Variants in DMAC2 observed in about 807,000 individuals in gnomAD.
The protein encoded by DMAC2 is distal membrane arm assembly component 2.
DMAC2 carries 32 observed loss-of-function variants against 29.6 expected under a neutral mutation model. That is an observed-to-expected ratio of 1.08 (90% CI 0.81 to 1.45). The LOEUF is 1.45. Among genes scored for constraint, DMAC2 ranks in the 40% most tolerant of loss-of-function variants. The pLI, the probability that DMAC2 is intolerant of heterozygous loss-of-function variation, is 0.00. For missense variants in DMAC2, 319 were observed against 340.0 expected (o/e 0.94, Z 0.49); for synonymous variants, 133 against 137.4 (o/e 0.97, Z 0.23).
At chr19:41,438,438 G>A (rs1222802869) in intron 1 of DMAC2, 24 bp from the exon 2 acceptor site, 1 of 1,593,570 alleles carries the variant, frequency 6.3e-7, no homozygotes, top group Non-Finnish European at 8.6e-7. Flanking sequence ...GAGGAAAGGA[G>A]CTGAGCCTGG....
At chr19:41,436,778 AAAGCAGAG>A (rs1157073180) in intron 2 of DMAC2, among the ~76,000 whole-genome samples, 1 of 152,208 alleles carries the variant, frequency 6.6e-6, no homozygotes, top group Non-Finnish European at 1.5e-5. Flanking sequence ...ATGACCAAAC[AAAGCAGAG>A]AGGCTGACTG....
rs76083918 is a variant in DMAC2, at chr19:41,431,389, A to C, written c.*842T>G. 4,644 of 496,848 alleles carry C rather than the reference A, an allele frequency of 9.3e-3. 187 individuals carry two copies. Among genetic ancestry groups the C allele is most frequent in the African/African-American group, 0.08 (4,133 of 51,424 alleles). 30.8% of individuals were successfully genotyped at this position (496,848 alleles called of 1,614,324 possible). On this transcript the variant is annotated 3_prime_UTR_variant, in exon 6 of 6. Transcript: ENST00000221943. ...AGTGAACTGGAATAATGAGGGCTTC[A>C]CTGGTAAAATGCTTCTGAATTGACT...
intron 1 of DMAC2, chr19:41,439,549 C>T (rs1248335721): frequency 2.6e-6 from 4 of 1,534,100 alleles, no homozygotes; most frequent in Non-Finnish European, 3.5e-6. Context: ...TCCTACAGGC[C>T]CCACCCTTGC....
intron 5 of DMAC2, chr19:41,432,706 CGT>C (rs72065187): frequency 0.074 from 14,872 of 200,948 alleles, 69 homozygotes; most frequent in Middle Eastern, 0.1. Flanking sequence ...ATAAGGACAG[CGT>C]GTGTGTGTGT....
chr19:41,438,696 A>G (rs1203290427), intron 1 of DMAC2, among the ~76,000 whole-genome samples: 2 of 152,040 alleles, frequency 1.3e-5, no homozygotes, highest in African/African-American at 4.8e-5. Flanking sequence ...TTATCACTCA[A>G]AACCTGCATT....
chr19:41,434,726 G>A (rs146921774), intron 3 of DMAC2, among the ~76,000 whole-genome samples: 3 of 152,208 alleles, frequency 2.0e-5, no homozygotes, highest in East Asian at 1.9e-4. Flanking sequence ...CAGGCCAGGC[G>A]CCACCAGTGG....
At chr19:41,436,677 T>C (rs190664898) in intron 2 of DMAC2, among the ~76,000 whole-genome samples, 37 of 152,308 alleles carry the variant, frequency 2.4e-4, no homozygotes, top group Admixed American at 2.2e-3. Flanking sequence ...CTGCCCAGTC[T>C]GGAGATTACT....
intron 3 of DMAC2, among the ~76,000 whole-genome samples, chr19:41,434,433 A>G (rs1047806919): frequency 2.6e-5 from 4 of 151,072 alleles, no homozygotes; most frequent in Admixed American, 6.6e-5. Flanking sequence ...TGTTTTGCCA[A>G]TTTTACATAC....
chr19:41,433,835 C>T (rs552959362), intron 3 of DMAC2, among the ~76,000 whole-genome samples, 162 bp from the exon 4 acceptor site: 8 of 152,358 alleles, frequency 5.3e-5, no homozygotes, highest in African/African-American at 1.9e-4. Context: ...CAGTGGCTCA[C>T]GCCTGTAATC....
rs141059890 is a variant in DMAC2, at chr19:41,433,555, C to G, written c.415G>C (p.Glu139Gln). The change falls in exon 4 of 6, where the codon GAG becomes CAG. Residue 139 changes from glutamate (E) to glutamine (Q), a missense_variant. Physicochemically the swap from Glu to Gln is conservative, Grantham distance 29 (BLOSUM62 2). Coordinates refer to ENST00000221943, the MANE Select transcript of DMAC2 (RefSeq NM_018035.3). ...CACTCACGGAGGTTATCCAGGCCCTCGTAGTTGATGTCACAGTCACCGGCA... is the reference window on the plus strand; with the variant it reads ...CACTCACGGAGGTTATCCAGGCCCTGGTAGTTGATGTCACAGTCACCGGCA... ...VDAGDCDINY[E>Q]GLDNLLRLKE... 1 of 1,614,062 alleles carries G rather than the reference C, an allele frequency of 6.2e-7. No individual in the cohort carries two copies. The highest frequency in any genetic ancestry group is 1.7e-5 in the Admixed American group (1 of 59,998).
At chr19:41,437,290 G>A (rs1463646623) in intron 2 of DMAC2, among the ~76,000 whole-genome samples, 1 of 152,144 alleles carries the variant, frequency 6.6e-6, no homozygotes, top group African/African-American at 2.4e-5. Flanking sequence ...CACCTACTTG[G>A]GAGGCTGAGG....
intron 3 of DMAC2, among the ~76,000 whole-genome samples, chr19:41,434,842 C>T (rs1308706875): frequency 5.3e-5 from 8 of 151,460 alleles, no homozygotes; most frequent in East Asian, 1.9e-4. Context: ...CTGTCTCTAC[C>T]AAAAATAAAA....
intron 1 of DMAC2, 34 bp downstream of exon 1, chr19:41,439,848 C>A (rs782261038): frequency 1.2e-6 from 2 of 1,614,076 alleles, no homozygotes; most frequent in Non-Finnish European, 1.7e-6. Context: ...GAGCGGACTT[C>A]AAATTTGGGG....
chr19:41,438,671 C>T (rs2039998454), intron 1 of DMAC2, among the ~76,000 whole-genome samples: 2 of 152,210 alleles, frequency 1.3e-5, no homozygotes, highest in South Asian at 2.1e-4. Context: ...CTTCCTCTAA[C>T]TTTCCCCCAA....
intron 1 of DMAC2, among the ~76,000 whole-genome samples, chr19:41,438,682 AC>A (rs1464950426): frequency 6.6e-6 from 1 of 151,846 alleles, no homozygotes; most frequent in Admixed American, 6.6e-5. Context: ...TTTCCCCCAA[AC>A]CCTTATCACT....
intron 2 of DMAC2, among the ~76,000 whole-genome samples, chr19:41,437,479 A>C (rs370629246): frequency 6.6e-6 from 1 of 152,182 alleles, no homozygotes. Flanking sequence ...CAGGCGGATC[A>C]CCTGAGGTCA....
chr19:41,439,505 C>G, intron 1 of DMAC2: 1 of 1,537,174 alleles, frequency 6.5e-7, no homozygotes. Flanking sequence ...GACCAAATCC[C>G]ACATCCTCGA....
Position 41,438,381 on chromosome 19 carries a change from G to A in DMAC2, c.52C>T (p.Arg18Cys), listed in dbSNP as rs782355774. Residue 18 changes from arginine to cysteine, a missense_variant, in exon 2 of 6, where the codon CGT becomes TGT. Transcript: ENST00000221943. ...LRLVAPMWNG[R>C]IRGIHRLGAA... ...CCCAGGCGATGGATGCCCCTGATAC[G>A]CCCATTCCACATGGGGGCGACCAGG... The A allele has an allele frequency of 1.5e-5, 24 of 1,613,934 alleles. No individual in the cohort carries two copies. In the Admixed American group the frequency reaches 3.2e-4, roughly 21 times the overall value.
At chr19:41,433,755 A>G in intron 3 of DMAC2, 82 bp from the exon 4 acceptor site, 2 of 1,567,304 alleles carry the variant, frequency 1.3e-6, no homozygotes, top group East Asian at 2.2e-5. Context: ...CCCCAGCCCT[A>G]TATAATATGT....
Sources: allele counts gnomAD v4.1 joint callset (sites outside exome capture counted in the v4.1 genomes callset), GRCh38; gene constraint gnomAD v4.1.1; transcripts MANE v1.5; gene names NCBI Gene and HGNC (gene_info 2026-07-23, HGNC 2026-07-21).